CAMK4: variants seen among roughly 807,000 people sequenced by gnomAD.
CAMK4 encodes the protein calcium/calmodulin-dependent protein kinase type IV.
In CAMK4, 22 loss-of-function variants were observed where a neutral mutation model predicts 44.9. That is an observed-to-expected ratio of 0.49 (90% CI 0.35 to 0.70). CAMK4 has a LOEUF of 0.70. Among genes scored for constraint, CAMK4 ranks in the 30% least tolerant of loss-of-function variants. CAMK4 has a pLI of 0.01. For synonymous variants in CAMK4, 218 were observed against 215.4 expected (o/e 1.01, Z -0.11); for missense variants, 498 against 586.8 (o/e 0.85, Z 1.56).
At chr5:111,413,802 G>A (rs1301058134) in intron 5 of CAMK4, among the ~76,000 whole-genome samples, 3 of 151,946 alleles carry the variant, frequency 2.0e-5, no homozygotes, top group Non-Finnish European at 2.9e-5. Flanking sequence ...CTACCAATAC[G>A]CTTAAAAACT....
intron 4 of CAMK4, among the ~76,000 whole-genome samples, chr5:111,383,959 T>G (rs1156247132): frequency 1.3e-5 from 2 of 152,170 alleles, no homozygotes; most frequent in African/African-American, 2.4e-5. Flanking sequence ...GGGGAAAATA[T>G]ATAGACAGAA....
chr5:111,238,808 CTTTTTTTTTTT>C lies in CAMK4; in HGVS notation c.161+14182_161+14192del, dbSNP rs57552178. 2.4e-4 allele frequency among the ~76,000 whole-genome samples: 11 copies of C among 45,942 alleles called. No individual in the cohort carries two copies. The South Asian group carries it at 9.3e-3, about 39-fold the overall frequency. The allele number at this position is 45,942 out of a possible 152,430, so 30.1% of individuals were successfully genotyped here. ...CTAAAGCTGACTCTCAGAGGCTCTTCTTTTTTTTTTTTTTTTTTTTTTTTTTTTAACAGGAG... is the reference window on the plus strand; with the variant it reads ...CTAAAGCTGACTCTCAGAGGCTCTTCTTTTTTTTTTTTTTTTTAACAGGAG... On this transcript the variant is annotated intron_variant, in intron 1 of 10. Coordinates refer to ENST00000282356, the MANE Select transcript of CAMK4 (RefSeq NM_001744.6).
chr5:111,473,610 T>C (rs1314688929), intron 8 of CAMK4, among the ~76,000 whole-genome samples: 4 of 152,216 alleles, frequency 2.6e-5, no homozygotes, highest in African/African-American at 9.6e-5. Context: ...TTCCTATGTC[T>C]ATATCCACTA....
chr5:111,246,026 T>C (rs370667925), intron 1 of CAMK4, among the ~76,000 whole-genome samples: 4 of 152,234 alleles, frequency 2.6e-5, no homozygotes, highest in African/African-American at 9.6e-5. Flanking sequence ...AATCCATAGA[T>C]CTTCCTGTGA....
intron 5 of CAMK4, among the ~76,000 whole-genome samples, chr5:111,414,866 A>G (rs1473862564): frequency 6.6e-6 from 1 of 152,120 alleles, no homozygotes; most frequent in Non-Finnish European, 1.5e-5. Context: ...AAGACACAAT[A>G]GAAGACATAT....
intron 1 of CAMK4, among the ~76,000 whole-genome samples, chr5:111,318,574 G>C (rs916861651): frequency 1.3e-5 from 2 of 152,134 alleles, no homozygotes; most frequent in African/African-American, 4.8e-5. Context: ...ACCAAGCTCT[G>C]ATACCAGTCC....
At chr5:111,480,629 C>G (rs939485985) in intron 9 of CAMK4, among the ~76,000 whole-genome samples, 18 of 151,980 alleles carry the variant, frequency 1.2e-4, no homozygotes, top group African/African-American at 3.9e-4. Flanking sequence ...ATTTAAGTGC[C>G]CCCTTTGTCA....
intron 1 of CAMK4, among the ~76,000 whole-genome samples, chr5:111,289,815 C>T (rs936691480): frequency 5.3e-5 from 8 of 152,236 alleles, no homozygotes; most frequent in African/African-American, 1.9e-4. Flanking sequence ...ATTCATACTT[C>T]TCCCCATCCC....
chr5:111,235,155 CTTTAA>C (rs1323646404), intron 1 of CAMK4, among the ~76,000 whole-genome samples: 3 of 152,168 alleles, frequency 2.0e-5, no homozygotes, highest in Admixed American at 2.0e-4. Context: ...TTCATGACTA[CTTTAA>C]TTTAGTAAGC....
intron 7 of CAMK4, among the ~76,000 whole-genome samples, chr5:111,469,938 A>G (rs1338635083): frequency 6.6e-6 from 1 of 152,248 alleles, no homozygotes; most frequent in Non-Finnish European, 1.5e-5. Context: ...CTCTCTCAAC[A>G]TATTTCTATA....
chr5:111,348,308 C>T (rs974435838), intron 2 of CAMK4, among the ~76,000 whole-genome samples: 1 of 152,006 alleles, frequency 6.6e-6, no homozygotes, highest in East Asian at 1.9e-4. Flanking sequence ...AATGCGCTGA[C>T]TTATCCATAG....
At chr5:111,249,098 C>G (rs1469010427) in intron 1 of CAMK4, among the ~76,000 whole-genome samples, 1 of 152,130 alleles carries the variant, frequency 6.6e-6, no homozygotes, top group African/African-American at 2.4e-5. Flanking sequence ...TTAAAATAAC[C>G]ATTTTGATTG....
At chr5:111,390,323 A>T (rs925287596) in intron 4 of CAMK4, among the ~76,000 whole-genome samples, 1 of 152,100 alleles carries the variant, frequency 6.6e-6, no homozygotes, top group Admixed American at 6.6e-5. Context: ...AACTATAATC[A>T]TTGAGGTTTT....
In CAMK4 at chr5:111,440,045, A is replaced by G. The variant is rs1227596802; in HGVS notation, c.460-6641A>G. Among the ~76,000 whole-genome samples, 3 of 152,238 alleles carry G rather than the reference A, an allele frequency of 2.0e-5. No homozygotes were observed. In the East Asian group the frequency reaches 5.8e-4, roughly 29 times the overall value. ...TGACTAGAATAGGAAATAATTGAGTATAGCCAGAGAAAGCTGGGAATATGT... is the reference window on the plus strand; with the variant it reads ...TGACTAGAATAGGAAATAATTGAGTGTAGCCAGAGAAAGCTGGGAATATGT... On this transcript the variant is annotated intron_variant, in intron 5 of 10. Transcript: ENST00000282356.
intron 5 of CAMK4, among the ~76,000 whole-genome samples, chr5:111,397,502 C>T (rs1324227119): frequency 1.3e-5 from 2 of 152,120 alleles, no homozygotes; most frequent in Non-Finnish European, 2.9e-5. Flanking sequence ...GCTGATTGCA[C>T]AGAAAAGTTC....
At chr5:111,433,987 G>T (rs1255437682) in intron 5 of CAMK4, among the ~76,000 whole-genome samples, 4 of 152,106 alleles carry the variant, frequency 2.6e-5, no homozygotes, top group Non-Finnish European at 5.9e-5. Flanking sequence ...ATATATGGGG[G>T]TGCTTAAAAG....
intron 1 of CAMK4, among the ~76,000 whole-genome samples, chr5:111,296,071 G>A (rs1747470956): frequency 6.6e-6 from 1 of 152,166 alleles, no homozygotes; most frequent in Non-Finnish European, 1.5e-5. Flanking sequence ...TTTGCCTGCT[G>A]AAAACAAAAA....
intron 5 of CAMK4, among the ~76,000 whole-genome samples, chr5:111,403,288 C>A (rs1752298141): frequency 6.6e-6 from 1 of 152,120 alleles, no homozygotes; most frequent in African/African-American, 2.4e-5. Context: ...CTGCTTGAAT[C>A]CACTTCTTGT....
At chr5:111,244,012 C>G (rs1355393382) in intron 1 of CAMK4, among the ~76,000 whole-genome samples, 1 of 152,106 alleles carries the variant, frequency 6.6e-6, no homozygotes, top group Non-Finnish European at 1.5e-5. Flanking sequence ...GAGAAGTCAC[C>G]TGTCTTTTCC....
Sources: allele counts gnomAD v4.1 joint callset (sites outside exome capture counted in the v4.1 genomes callset), GRCh38; gene constraint gnomAD v4.1.1; transcripts MANE v1.5; gene names NCBI Gene and HGNC (gene_info 2026-07-23, HGNC 2026-07-21).